The following CNTN4 variants were observed in gnomAD, a reference collection of about 807,000 sequenced individuals.
The protein encoded by CNTN4 is contactin 4, also known as contactin-4.
Under a neutral mutation model 122.5 loss-of-function variants are expected in CNTN4, and 77 were observed. The observed-to-expected ratio is 0.63, with a 90% CI of 0.52 to 0.76. The LOEUF is 0.76. CNTN4 is among the 30% of genes least tolerant of loss of function. The probability of loss-of-function intolerance (pLI) is 0.00; values close to 1 mark genes in which losing one functional copy is unlikely to be tolerated. For synonymous variants in CNTN4, 512 were observed against 447.0 expected, an observed-to-expected ratio of 1.15 and a Z score of -1.83; for missense variants, 1,256 against 1,259.1, an observed-to-expected ratio of 1.00 and a Z score of 0.04.
At chr3:2,154,867 A>C (rs1456248701) in intron 2 of CNTN4, among the ~76,000 whole-genome samples, 1 of 152,246 alleles carries the variant, frequency 6.6e-6, no homozygotes, top group Non-Finnish European at 1.5e-5. Context: ...ATACGGAGGA[A>C]ATGAAATCAC....
At chr3:2,727,270 T>A (rs1311431847) in intron 4 of CNTN4, among the ~76,000 whole-genome samples, 1 of 152,206 alleles carries the variant, frequency 6.6e-6, no homozygotes, top group Non-Finnish European at 1.5e-5. Flanking sequence ...TGAGTCTGGG[T>A]CAGCACTGCA....
At chr3:2,882,559 C>A (rs375868067) in intron 8 of CNTN4, among the ~76,000 whole-genome samples, 117 of 152,182 alleles carry the variant, frequency 7.7e-4, no homozygotes, top group African/African-American at 2.7e-3. Flanking sequence ...TAAATGTTTT[C>A]TGTAGCTGTA....
At chr3:2,160,302 G>A (rs2035903218) in intron 2 of CNTN4, among the ~76,000 whole-genome samples, 1 of 152,082 alleles carries the variant, frequency 6.6e-6, no homozygotes, top group Non-Finnish European at 1.5e-5. Context: ...AAATAGGAGA[G>A]GTCTCTTGGC....
chr3:2,194,018 C>G (rs144914439), intron 2 of CNTN4, among the ~76,000 whole-genome samples: 2 of 152,120 alleles, frequency 1.3e-5, no homozygotes, highest in Non-Finnish European at 2.9e-5. Flanking sequence ...TGATGTGTGA[C>G]TCTTTTCAGT....
intron 16 of CNTN4, among the ~76,000 whole-genome samples, chr3:3,033,335 T>A (rs1051616540): frequency 2.0e-5 from 3 of 152,208 alleles, no homozygotes; most frequent in Non-Finnish European, 4.4e-5. Context: ...TCCAGACATT[T>A]CATTCAGGAG....
intron 2 of CNTN4, among the ~76,000 whole-genome samples, chr3:2,119,401 C>T (rs1325439699): frequency 1.3e-5 from 2 of 152,180 alleles, no homozygotes; most frequent in Non-Finnish European, 2.9e-5. Flanking sequence ...GAGAAAGTTT[C>T]TCTAGCTGTT....
chr3:2,857,312 C>G (rs543190638), intron 7 of CNTN4, among the ~76,000 whole-genome samples: 1 of 152,310 alleles, frequency 6.6e-6, no homozygotes, highest in Non-Finnish European at 1.5e-5. Flanking sequence ...TGAAAGTATT[C>G]TATACTTGGC....
chr3:2,568,019 C>T (rs1470437508), intron 3 of CNTN4, among the ~76,000 whole-genome samples: 1 of 152,152 alleles, frequency 6.6e-6, no homozygotes, highest in Non-Finnish European at 1.5e-5. Context: ...CCGCACCTCC[C>T]TAACCTCTGC....
chr3:2,956,730 C>T (rs1322666991), intron 13 of CNTN4, among the ~76,000 whole-genome samples: 2 of 151,988 alleles, frequency 1.3e-5, no homozygotes, highest in Admixed American at 6.6e-5. Context: ...GTACATTAGA[C>T]CCCCGGAATT....
chr3:2,575,052 G>A (rs1159769610), intron 4 of CNTN4, among the ~76,000 whole-genome samples: 1 of 151,912 alleles, frequency 6.6e-6, no homozygotes, highest in Non-Finnish European at 1.5e-5. Flanking sequence ...TTTTAAAATA[G>A]GTAGAAGAGA....
chr3:2,608,334 C>T (rs988576365), intron 4 of CNTN4, among the ~76,000 whole-genome samples: 19 of 152,188 alleles, frequency 1.2e-4, no homozygotes, highest in African/African-American at 3.1e-4. Context: ...GTGGCATGCA[C>T]CTGCAGCCCC....
intron 4 of CNTN4, among the ~76,000 whole-genome samples, chr3:2,628,636 C>A (rs537481717): frequency 1.3e-5 from 2 of 152,186 alleles, no homozygotes; most frequent in African/African-American, 2.4e-5. Flanking sequence ...GAAATGAGAA[C>A]AAAGCTCTCT....
chr3:2,198,041 A>C (rs1313569057), intron 2 of CNTN4, among the ~76,000 whole-genome samples: 1 of 150,692 alleles, frequency 6.6e-6, no homozygotes, highest in Non-Finnish European at 1.5e-5. Context: ...AAAAAAAAAA[A>C]AGGAGAGAAT....
At chr3:2,787,195 G>A (rs541466276) in intron 6 of CNTN4, among the ~76,000 whole-genome samples, 1 of 152,196 alleles carries the variant, frequency 6.6e-6, no homozygotes, top group Admixed American at 6.5e-5. Context: ...TGGCCAATAT[G>A]GCGAAACCCT....
chr3:2,404,760 C>T (rs1269421288), intron 3 of CNTN4, among the ~76,000 whole-genome samples: 2 of 152,166 alleles, frequency 1.3e-5, no homozygotes, highest in Non-Finnish European at 2.9e-5. Flanking sequence ...TGAGGGACAG[C>T]TCTAGAATTC....
chr3:2,386,666 T>C (rs1412604546), intron 3 of CNTN4, among the ~76,000 whole-genome samples: 4 of 152,200 alleles, frequency 2.6e-5, no homozygotes, highest in Non-Finnish European at 5.9e-5. Context: ...GTTTGTAGCT[T>C]TTAGATTTAA....
intron 6 of CNTN4, among the ~76,000 whole-genome samples, chr3:2,785,513 C>T (rs1025804082): frequency 4.6e-5 from 7 of 152,210 alleles, no homozygotes; most frequent in Non-Finnish European, 1.0e-4. Flanking sequence ...ACCATTACAA[C>T]ACATCCAGAA....
In CNTN4 at chr3:2,346,835, C is replaced by G. The variant is rs1617890; in HGVS notation, c.-89+7602C>G. Among the ~76,000 whole-genome samples, 195 of 151,838 alleles carry G rather than the reference C, an allele frequency of 1.3e-3. 1 individual carries two copies. Among genetic ancestry groups the G allele is most frequent in the African/African-American group, 4.4e-3 (184 of 41,406 alleles). ...GCATTTTTGTTGAGTTTTTCTCTTA[C>G]GCTATTCTGTTTTCCAACCTCAGGA... On this transcript the variant is annotated intron_variant, in intron 3 of 24. Coordinates refer to ENST00000418658, the MANE Select transcript of CNTN4 (RefSeq NM_175607.3).
At chr3:2,675,302 T>C (rs1422074578) in intron 4 of CNTN4, among the ~76,000 whole-genome samples, 1 of 152,110 alleles carries the variant, frequency 6.6e-6, no homozygotes, top group Non-Finnish European at 1.5e-5. Flanking sequence ...CTTTTCAGGC[T>C]CCGGGACTTT....
Sources: allele counts gnomAD v4.1 joint callset (sites outside exome capture counted in the v4.1 genomes callset), GRCh38; gene constraint gnomAD v4.1.1; transcripts MANE v1.5; gene names NCBI Gene and HGNC (gene_info 2026-07-23, HGNC 2026-07-21).